EIPR1: variants seen among roughly 807,000 people sequenced by gnomAD.
EIPR1 encodes the protein EARP complex and GARP complex interacting protein 1.
In EIPR1, 25 loss-of-function variants were observed where a neutral mutation model predicts 48.1. The ratio of observed to expected loss-of-function variants is 0.52; its 90% CI spans 0.38 to 0.73. The LOEUF is 0.73. EIPR1 is among the 30% of genes least tolerant of loss of function. The pLI, the probability that EIPR1 is intolerant of heterozygous loss-of-function variation, is 0.00. For synonymous variants in EIPR1, 204 were observed against 201.9 expected (o/e 1.01, Z -0.09); for missense variants, 415 against 506.2 (o/e 0.82, Z 1.73).
chr2:3,356,089 G>A (rs1404308329), intron 1 of EIPR1, among the ~76,000 whole-genome samples: 3 of 152,236 alleles, frequency 2.0e-5, no homozygotes, highest in African/African-American at 7.2e-5. Context: ...CATCTGCAAT[G>A]GAGGTCTCAG....
chr2:3,327,266 C>G (rs1288036660), intron 3 of EIPR1, among the ~76,000 whole-genome samples: 1 of 152,024 alleles, frequency 6.6e-6, no homozygotes, highest in South Asian at 2.1e-4. Context: ...CTACTGCAAC[C>G]GCCACCTCCC....
intron 5 of EIPR1, among the ~76,000 whole-genome samples, chr2:3,203,440 G>A (rs2103118997): frequency 6.6e-6 from 1 of 152,356 alleles, no homozygotes; most frequent in East Asian, 1.9e-4. Context: ...CTGATTGAAG[G>A]GGAACCACGT....
At chr2:3,217,643 G>T (rs1665682937) in intron 4 of EIPR1, among the ~76,000 whole-genome samples, 2 of 152,190 alleles carry the variant, frequency 1.3e-5, no homozygotes, top group African/African-American at 4.8e-5. Context: ...GATTAGTGGA[G>T]AAGCCGCCCT....
intron 4 of EIPR1, among the ~76,000 whole-genome samples, chr2:3,226,714 G>A (rs531418806): frequency 6.6e-6 from 1 of 152,206 alleles, no homozygotes; most frequent in Admixed American, 6.5e-5. Flanking sequence ...TTGGCTTGGT[G>A]TTCTCACCCA....
At chr2:3,296,626 CACACAT>C (rs1668608914) in intron 3 of EIPR1, among the ~76,000 whole-genome samples, 1 of 146,962 alleles carries the variant, frequency 6.8e-6, no homozygotes, top group Non-Finnish European at 1.5e-5. Flanking sequence ...ATCCTCTCTA[CACACAT>C]ACACACCTCC....
At chr2:3,261,822 T>G (rs1466073162) in intron 3 of EIPR1, 1 of 152,252 alleles carries the variant, frequency 6.6e-6, no homozygotes, top group Non-Finnish European at 1.5e-5. Context: ...ATACCGGGCC[T>G]GTGACCTGTG....
intron 4 of EIPR1, among the ~76,000 whole-genome samples, chr2:3,244,568 A>C (rs1330903099): frequency 6.6e-6 from 1 of 152,192 alleles, no homozygotes; most frequent in Admixed American, 6.5e-5. Context: ...AAGCCTTGGC[A>C]AACAAAATCA....
At chr2:3,216,115 A>T (rs766729517) in intron 4 of EIPR1, among the ~76,000 whole-genome samples, 24 of 152,326 alleles carry the variant, frequency 1.6e-4, no homozygotes, top group Admixed American at 4.6e-4. Flanking sequence ...CTGCAGGTAA[A>T]CATAGGTAGA....
In EIPR1 at chr2:3,209,225, CCTCA is replaced by C. The variant is rs541179225; in HGVS notation, c.516+4920_516+4923del. ...TGGGGCTCCCTGGGGTCTCCTTCTG[CCTCA>C]TTCACCCCAGACCTGGAGCTGAAGA... On this transcript the variant is annotated intron_variant, in intron 5 of 8. Transcript: ENST00000382125. Among the ~76,000 whole-genome samples, 67 of 152,292 alleles carry C rather than the reference CCTCA, an allele frequency of 4.4e-4. No individual in the cohort carries two copies. In the East Asian group the frequency reaches 0.013, roughly 29 times the overall value.
At chr2:3,372,856 G>A (rs1245160509) in intron 1 of EIPR1, among the ~76,000 whole-genome samples, 1 of 152,130 alleles carries the variant, frequency 6.6e-6, no homozygotes, top group African/African-American at 2.4e-5. Flanking sequence ...TAGAAAAAGA[G>A]GGAATCCTCC....
intron 3 of EIPR1, among the ~76,000 whole-genome samples, chr2:3,282,124 A>G (rs1668031554): frequency 6.6e-6 from 1 of 152,246 alleles, no homozygotes; most frequent in Non-Finnish European, 1.5e-5. Flanking sequence ...AGATCAAATA[A>G]GTAAGTTTAT....
chr2:3,275,005 C>T (rs1398558475), intron 3 of EIPR1, among the ~76,000 whole-genome samples: 1 of 151,750 alleles, frequency 6.6e-6, no homozygotes, highest in African/African-American at 2.4e-5. Context: ...CCCCCCAAAA[C>T]AGCATAAAGT....
intron 4 of EIPR1, among the ~76,000 whole-genome samples, chr2:3,218,462 G>T (rs562885875): frequency 6.7e-6 from 1 of 148,990 alleles, no homozygotes; most frequent in East Asian, 2.0e-4. Context: ...ACGCTCTAGA[G>T]CATTCACAGT....
chr2:3,201,203 G>A (rs916030861), intron 5 of EIPR1, among the ~76,000 whole-genome samples: 1 of 152,118 alleles, frequency 6.6e-6, no homozygotes, highest in Admixed American at 6.5e-5. Flanking sequence ...CAAAAGCGCC[G>A]GGAACACCAG....
intron 3 of EIPR1, chr2:3,319,050 G>C: frequency 2.3e-6 from 1 of 442,504 alleles, no homozygotes; most frequent in African/African-American, 2.0e-5. Context: ...TCTAAAGACA[G>C]AAAGGAGAAA....
chr2:3,352,453 C>T (rs1229886332), intron 2 of EIPR1, among the ~76,000 whole-genome samples: 7 of 136,840 alleles, frequency 5.1e-5, no homozygotes, highest in Non-Finnish European at 8.0e-5. Flanking sequence ...TGTCTGTTCC[C>T]GACACCTTTG....
chr2:3,279,759 G>A (rs1044844645), intron 3 of EIPR1, among the ~76,000 whole-genome samples: 3 of 152,226 alleles, frequency 2.0e-5, no homozygotes, highest in South Asian at 2.1e-4. Flanking sequence ...GACCTGACGC[G>A]CAGAGCTGTG....
At chr2:3,263,253 C>T (rs1331573806) in intron 3 of EIPR1, among the ~76,000 whole-genome samples, 1 of 152,108 alleles carries the variant, frequency 6.6e-6, no homozygotes. Flanking sequence ...AAAAAGTGGC[C>T]CATACTCAAG....
intron 3 of EIPR1, chr2:3,320,041 GCAACACCACCCCTGCAGGCAGAGCA>G (rs1669472928): frequency 5.4e-6 from 1 of 186,376 alleles, no homozygotes; most frequent in Non-Finnish European, 1.1e-5. Flanking sequence ...GCACCTGCGG[GCAACACCACCCCTGCAGGCAGAGCA>G]ATATCACACC....
Sources: allele counts gnomAD v4.1 joint callset (sites outside exome capture counted in the v4.1 genomes callset), GRCh38; gene constraint gnomAD v4.1.1; transcripts MANE v1.5; gene names NCBI Gene and HGNC (gene_info 2026-07-23, HGNC 2026-07-21).